STX3: variants seen among roughly 807,000 people sequenced by gnomAD.
The protein encoded by STX3 is syntaxin 3, also known as syntaxin-3.
Under a neutral mutation model 40.2 loss-of-function variants are expected in STX3, and 19 were observed. That is an observed-to-expected ratio of 0.47 (90% CI 0.33 to 0.69). STX3 has a LOEUF of 0.69. STX3 is among the 30% of genes least tolerant of loss of function. The pLI is 0.02. For missense variants in STX3, 364 were observed against 366.7 expected, an observed-to-expected ratio of 0.99 and a Z score of 0.06; for synonymous variants, 122 against 132.2, an observed-to-expected ratio of 0.92 and a Z score of 0.53.
chr11:59,766,011 T>C (rs1459203365), intron 1 of STX3, among the ~76,000 whole-genome samples: 1 of 152,234 alleles, frequency 6.6e-6, no homozygotes. Flanking sequence ...CCCACAAATC[T>C]TTAATGCCCC....
At chr11:59,794,570 C>T (rs1372989114) in intron 8 of STX3, among the ~76,000 whole-genome samples, 2 of 152,196 alleles carry the variant, frequency 1.3e-5, no homozygotes, top group Non-Finnish European at 2.9e-5. Context: ...TCTTTTCCCC[C>T]ACACTGCCTT....
rs1866013734 is a variant in STX3 at position 59,804,711 on chromosome 11, G to GA, written c.*3890dup. The GA allele has an allele frequency of 6.6e-6, 1 of 152,104 alleles. No homozygotes were observed. The highest frequency in any genetic ancestry group is 2.4e-5 in the African/African-American group (1 of 41,402). 9.4% of individuals were successfully genotyped at this position (152,104 alleles called of 1,614,324 possible). A position where few individuals can be genotyped will look rare whatever the true frequency, so the allele number is the denominator to read the frequency against. ...GGCTCCAGGACTGTGGTTCAATAAC[G>GA]AAATACAGGCCCACAAAATAAAATA... On this transcript the variant is annotated 3_prime_UTR_variant, in exon 11 of 11. Transcript: ENST00000337979.
chr11:59,777,078 G>A (rs1423742875), intron 2 of STX3, among the ~76,000 whole-genome samples: 2 of 152,168 alleles, frequency 1.3e-5, no homozygotes, highest in African/African-American at 2.4e-5. Context: ...CAGGATTCTC[G>A]CCCCCTGTTG....
At chr11:59,758,606 G>C (rs1039523593) in intron 1 of STX3, among the ~76,000 whole-genome samples, 3 of 152,204 alleles carry the variant, frequency 2.0e-5, no homozygotes, top group Admixed American at 1.3e-4. Flanking sequence ...TGACTCACCT[G>C]GTCTCATCTC....
At chr11:59,759,121 G>A (rs1359681940) in intron 1 of STX3, among the ~76,000 whole-genome samples, 1 of 152,180 alleles carries the variant, frequency 6.6e-6, no homozygotes, top group Non-Finnish European at 1.5e-5. Flanking sequence ...GATATGTAAA[G>A]GTGGTTGGAG....
intron 1 of STX3, among the ~76,000 whole-genome samples, chr11:59,756,222 G>A (rs1862709423): frequency 6.6e-6 from 1 of 152,142 alleles, no homozygotes; most frequent in African/African-American, 2.4e-5. Flanking sequence ...AGGATCTGAA[G>A]GTAGACTACC....
At chr11:59,776,687 T>C (rs564464534) in intron 2 of STX3, among the ~76,000 whole-genome samples, 1 of 152,362 alleles carries the variant, frequency 6.6e-6, no homozygotes, top group African/African-American at 2.4e-5. Flanking sequence ...TAGAGGTATT[T>C]GCAAGGTGCA....
chr11:59,763,191 A>G (rs955411140), intron 1 of STX3, among the ~76,000 whole-genome samples: 1 of 152,212 alleles, frequency 6.6e-6, no homozygotes, highest in African/African-American at 2.4e-5. Flanking sequence ...ATGGGTGATG[A>G]GACCTTGAGA....
At chr11:59,762,666 G>A (rs1171744950) in intron 1 of STX3, among the ~76,000 whole-genome samples, 1 of 152,174 alleles carries the variant, frequency 6.6e-6, no homozygotes. Context: ...CTTGAGAACT[G>A]AATGCCATGG....
chr11:59,798,244 A>G (rs1257245362), intron 10 of STX3, among the ~76,000 whole-genome samples: 11 of 149,034 alleles, frequency 7.4e-5, no homozygotes, highest in African/African-American at 9.9e-5. Context: ...GTCTTGCTCT[A>G]TCTCCCAGCC....
intron 10 of STX3, among the ~76,000 whole-genome samples, chr11:59,798,970 A>G (rs1403820926): frequency 6.6e-6 from 1 of 151,866 alleles, no homozygotes; most frequent in East Asian, 1.9e-4. Flanking sequence ...GCTCACTGCA[A>G]CCTCTGCCTC....
In STX3 at chr11:59,805,198, A is replaced by AC. The variant is rs1866041892; in HGVS notation, c.*4374_*4375insC. The AC allele has an allele frequency of 6.7e-6, 1 of 150,364 alleles. No homozygotes were observed. The highest frequency in any genetic ancestry group is 2.5e-5 in the African/African-American group (1 of 40,102). 9.3% of individuals were successfully genotyped at this position (150,364 alleles called of 1,614,324 possible). ...ATCTAAAAAAAAAAAAAAAACAAAA[A>AC]AAAAAAACTGTTCTTAATACTTAAT... On this transcript the variant is annotated 3_prime_UTR_variant, in exon 11 of 11. Transcript: ENST00000337979.
At chr11:59,769,409 A>T (rs915512279) in intron 1 of STX3, among the ~76,000 whole-genome samples, 2 of 151,884 alleles carry the variant, frequency 1.3e-5, no homozygotes, top group Non-Finnish European at 2.9e-5. Flanking sequence ...TCCATATGTG[A>T]TCTCGTTCAG....
intron 2 of STX3, chr11:59,781,579 C>G: frequency 8.1e-6 from 13 of 1,613,812 alleles, no homozygotes; most frequent in Non-Finnish European, 1.1e-5. Flanking sequence ...TTTTTACCAT[C>G]ACAAGTGATG....
intron 1 of STX3, among the ~76,000 whole-genome samples, chr11:59,771,055 C>G (rs979724790): frequency 6.6e-6 from 1 of 152,122 alleles, no homozygotes; most frequent in Non-Finnish European, 1.5e-5. Context: ...TTGATCGACT[C>G]CCCCAAATCA....
chr11:59,774,493 G>GA (rs111629513), intron 2 of STX3, among the ~76,000 whole-genome samples: 1 of 148,454 alleles, frequency 6.7e-6, no homozygotes, highest in Admixed American at 6.7e-5. Flanking sequence ...GGTAAGAAAA[G>GA]AAAAAAACAA....
intron 8 of STX3, among the ~76,000 whole-genome samples, chr11:59,795,149 C>T (rs928055134): frequency 4.6e-5 from 7 of 152,152 alleles, no homozygotes; most frequent in Non-Finnish European, 8.8e-5. Flanking sequence ...TGGTGGAGTG[C>T]TGGTCACAGA....
chr11:59,790,455 A>T, intron 4 of STX3, 64 bp from the exon 5 acceptor site: 1 of 1,286,938 alleles, frequency 7.8e-7, no homozygotes, highest in Non-Finnish European at 1.1e-6. Context: ...AGGAAGTTTC[A>T]CTGAATAGCA....
chr11:59,791,981 G>T, intron 5 of STX3, 126 bp from the exon 6 acceptor site: 1 of 768,878 alleles, frequency 1.3e-6, no homozygotes, highest in Non-Finnish European at 2.2e-6. Flanking sequence ...CAAAAAACTT[G>T]GTTTGACACC....
Sources: allele counts gnomAD v4.1 joint callset (sites outside exome capture counted in the v4.1 genomes callset), GRCh38; gene constraint gnomAD v4.1.1; transcripts MANE v1.5; gene names NCBI Gene and HGNC (gene_info 2026-07-23, HGNC 2026-07-21).